Variants in PCDHA8 observed in about 807,000 individuals in gnomAD.
PCDHA8 encodes protocadherin alpha 8, also known as protocadherin alpha-8.
Under a neutral mutation model 61.8 loss-of-function variants are expected in PCDHA8, and 53 were observed. The ratio of observed to expected loss-of-function variants is 0.86; its 90% CI spans 0.69 to 1.08. PCDHA8 has a LOEUF of 1.08. Ranked by LOEUF, PCDHA8 falls within the 50% of genes least tolerant of loss-of-function variation. The probability of loss-of-function intolerance (pLI) is 0.00; values close to 1 mark genes in which losing one functional copy is unlikely to be tolerated. For missense variants in PCDHA8, 1,293 were observed against 1,245.0 expected (o/e 1.04, Z -0.58); for synonymous variants, 618 against 556.6 (o/e 1.11, Z -1.55).
Position 140,843,524 on chromosome 5 carries a change from G to A in PCDHA8, c.2203G>A (p.Gly735Ser), listed in dbSNP as rs2150361987. Residue 735 changes from glycine to serine, a missense_variant, in exon 1 of 4, where the codon GGC (glycine) becomes AGC (serine). Gly to Ser is a moderately conservative substitution (Grantham distance 56, BLOSUM62 0). Coordinates refer to ENST00000531613, the MANE Select transcript of PCDHA8 (RefSeq NM_018911.3). ...GCCCACTGAGGGCGGGTGCCGGGCG[G>A]GCAAGCCCACTCTGGTGTGCTCCAG... ...ALPTEGGCRAGKPTLVCSSAV... is the reference protein window; with the variant it reads ...ALPTEGGCRASKPTLVCSSAV... The A allele has an allele frequency of 2.5e-6, 4 of 1,595,982 alleles. No individual in the cohort carries two copies. Among genetic ancestry groups the A allele is most frequent in the East Asian group, 4.5e-5 (2 of 44,820 alleles).
intron 1 of PCDHA8, chr5:140,853,156 G>A (rs2150528996): frequency 1.1e-6 from 1 of 904,258 alleles, no homozygotes; most frequent in South Asian, 5.0e-5. Context: ...TGGGATTACA[G>A]GCGTGAGCCA....
At chr5:140,957,191 T>C (rs1302296413) in intron 1 of PCDHA8, among the ~76,000 whole-genome samples, 1 of 152,150 alleles carries the variant, frequency 6.6e-6, no homozygotes, top group Non-Finnish European at 1.5e-5. Flanking sequence ...TGATGACCGA[T>C]TGGGAATATA....
chr5:141,000,948 G>C (rs1032144041), intron 3 of PCDHA8, among the ~76,000 whole-genome samples: 3 of 151,774 alleles, frequency 2.0e-5, no homozygotes, highest in Non-Finnish European at 1.5e-5. Flanking sequence ...AAATTATCTT[G>C]CTGTAATTTA....
chr5:140,841,864 T>C lies in PCDHA8; in HGVS notation c.543T>C (p.Asp181=), dbSNP rs1554138599. ...RLSSHDYFML[D]VNSKNDENKL... is the part of the protein sequence containing the mutation. ...GCTCTCATGATTACTTCATGCTAGA[T>C]GTGAATTCAAAGAACGATGAGAATA... The change falls in exon 1 of 4, where the codon GAT becomes GAC. Residue 181 remains aspartate, a synonymous_variant. Coordinates refer to ENST00000531613, the MANE Select transcript of PCDHA8 (RefSeq NM_018911.3). 5 of 1,613,852 alleles carry C rather than the reference T, an allele frequency of 3.1e-6. No homozygotes were observed. Among genetic ancestry groups the C allele is most frequent in the Non-Finnish European group, 4.2e-6 (5 of 1,179,826 alleles).
intron 3 of PCDHA8, among the ~76,000 whole-genome samples, chr5:140,988,459 G>A (rs1554250155): frequency 6.6e-6 from 1 of 152,152 alleles, no homozygotes; most frequent in Admixed American, 6.5e-5. Context: ...AGGAAGCAAG[G>A]GTGTGGGAAG....
chr5:140,857,484 G>C (rs1044921765), intron 1 of PCDHA8: 1 of 1,598,418 alleles, frequency 6.3e-7, no homozygotes, highest in African/African-American at 1.3e-5. Flanking sequence ...GTGTCTGCGT[G>C]GGACGCGGAC....
Position 140,856,334 on chromosome 5 carries a change from G to C in PCDHA8, c.2394+12619G>C, listed in dbSNP as rs1262477114. 11 of 1,598,498 alleles carry C rather than the reference G, an allele frequency of 6.9e-6. 1 individual carries two copies. The Admixed American group carries it at 1.3e-4, about 20-fold the overall frequency. On this transcript the variant is annotated intron_variant, in intron 1 of 3. Coordinates refer to ENST00000531613, the MANE Select transcript of PCDHA8 (RefSeq NM_018911.3). ...TCGGATTGACCGCGAGGAGCTGTGC[G>C]GGCGGAGCGTGGAGTGCAGCATCCA...
intron 1 of PCDHA8, among the ~76,000 whole-genome samples, chr5:140,943,089 T>C (rs2093417033): frequency 6.6e-6 from 1 of 151,612 alleles, no homozygotes; most frequent in African/African-American, 2.4e-5. Flanking sequence ...AAATCCTGCC[T>C]CTACTAAAAA....
chr5:140,908,730 C>G (rs1367655223), intron 1 of PCDHA8, among the ~76,000 whole-genome samples: 4 of 152,124 alleles, frequency 2.6e-5, no homozygotes, highest in Non-Finnish European at 4.4e-5. Context: ...TCATATGGCT[C>G]GAGAAACAGA....
chr5:140,883,643 G>A (rs1182808577), intron 1 of PCDHA8: 2 of 1,613,822 alleles, frequency 1.2e-6, no homozygotes, highest in Non-Finnish European at 1.7e-6. Context: ...CGCGCAGCCC[G>A]AGTACACGGT....
chr5:140,983,005 A>AAAGG (rs1223217874), intron 3 of PCDHA8, among the ~76,000 whole-genome samples: 11 of 152,228 alleles, frequency 7.2e-5, no homozygotes, highest in African/African-American at 2.4e-4. Flanking sequence ...AAAGAAAGAA[A>AAAGG]AAGGAAGGAA....
intron 3 of PCDHA8, among the ~76,000 whole-genome samples, chr5:141,000,386 T>A (rs1394092081): frequency 5.6e-4 from 37 of 66,542 alleles, no homozygotes; most frequent in African/African-American, 2.4e-3. Flanking sequence ...TCTCTCTCTC[T>A]CTCTCTCTCT....
rs144574743 is a variant in PCDHA8, at chr5:140,848,603, G to C, written c.2394+4888G>C. ...GCGGCCAGCTCCACTACTCCGTCCCGGAGGAAGCCGAACACGGCACCTTCG... is the reference window on the plus strand; with the variant it reads ...GCGGCCAGCTCCACTACTCCGTCCCCGAGGAAGCCGAACACGGCACCTTCG... On this transcript the variant is annotated intron_variant, in intron 1 of 3. Transcript: ENST00000531613. 5,441 of 1,581,086 alleles carry C rather than the reference G, an allele frequency of 3.4e-3. 700 individuals are homozygous for C. Among genetic ancestry groups the C allele is most frequent in the Middle Eastern group, 0.011 (64 of 5,726 alleles).
rs1221561116 is a variant in PCDHA8 at position 140,841,961 on chromosome 5, G to A, written c.640G>A (p.Ala214Thr). The change falls in exon 1 of 4, where the codon GCC becomes ACC. Residue 214 changes from alanine (A) to threonine (T), a missense_variant. Physicochemically the swap from Ala to Thr is moderately conservative, Grantham distance 58 (BLOSUM62 0). Coordinates refer to ENST00000531613, the MANE Select transcript of PCDHA8 (RefSeq NM_018911.3). ...DAPAHHLFLT[A>T]TDGGKPELTG... ...TCCTGCGCACCACTTATTCCTGACA[G>A]CCACAGATGGGGGCAAACCTGAGCT... 1 of 1,613,790 alleles carries A rather than the reference G, an allele frequency of 6.2e-7. No individual in the cohort carries two copies. The highest frequency in any genetic ancestry group is 8.5e-7 in the Non-Finnish European group (1 of 1,179,878).
intron 2 of PCDHA8, among the ~76,000 whole-genome samples, chr5:140,981,442 C>T (rs1379745081): frequency 6.6e-6 from 1 of 151,988 alleles, no homozygotes; most frequent in Non-Finnish European, 1.5e-5. Flanking sequence ...GGCATGGTGG[C>T]GGGTGCCTGT....
At chr5:140,880,010 A>G (rs958851507) in intron 1 of PCDHA8, among the ~76,000 whole-genome samples, 1 of 152,232 alleles carries the variant, frequency 6.6e-6, no homozygotes, top group African/African-American at 2.4e-5. Flanking sequence ...TATTCACCAT[A>G]TAAAGTAAAA....
intron 1 of PCDHA8, chr5:140,927,771 G>C: frequency 6.2e-7 from 1 of 1,614,210 alleles, no homozygotes; most frequent in Non-Finnish European, 8.5e-7. Flanking sequence ...GTGGGGAGGT[G>C]CAAGTAGCTG....
At chr5:140,870,686 A>G (rs2052295402) in intron 1 of PCDHA8, 2 of 1,612,732 alleles carry the variant, frequency 1.2e-6, no homozygotes, top group African/African-American at 2.7e-5. Flanking sequence ...GAGGAGCTGG[A>G]GCTGCTACAG....
intron 3 of PCDHA8, among the ~76,000 whole-genome samples, chr5:140,982,864 T>G (rs1294289316): frequency 1.3e-5 from 2 of 152,114 alleles, no homozygotes; most frequent in Non-Finnish European, 2.9e-5. Flanking sequence ...TTCAAATGCT[T>G]AGGTCATCCA....
Sources: allele counts gnomAD v4.1 joint callset (sites outside exome capture counted in the v4.1 genomes callset), GRCh38; gene constraint gnomAD v4.1.1; transcripts MANE v1.5; gene names NCBI Gene and HGNC (gene_info 2026-07-23, HGNC 2026-07-21).